Variants in ZNF37A observed in about 807,000 individuals in gnomAD.
ZNF37A encodes the protein zinc finger protein 37a (KOX 21).
In ZNF37A, 10 loss-of-function variants were observed where a neutral mutation model predicts 12.3. That is an observed-to-expected ratio of 0.82 (90% CI 0.50 to 1.38). ZNF37A has a LOEUF of 1.38. ZNF37A is among the 40% of genes most tolerant of loss of function. The pLI is 0.00. For synonymous variants in ZNF37A, 207 were observed against 223.0 expected, an observed-to-expected ratio of 0.93 and a Z score of 0.64; for missense variants, 580 against 651.2, an observed-to-expected ratio of 0.89 and a Z score of 1.19.
At chr10:38,129,316 A>AAAAAAAAAAAAAAAAC (rs1432210552), downstream of ZNF37A, among the ~76,000 whole-genome samples, 1 of 142,542 alleles carries the variant, frequency 7.0e-6, no homozygotes, top group Admixed American at 7.0e-5. Flanking sequence ...AAAAAAAAAA[A>AAAAAAAAAAAAAAAAC]AAAAAACTAT....
Position 38,094,958 on chromosome 10 carries a change from G to A in ZNF37A, c.-464G>A, listed in dbSNP as rs1289681054. On this transcript the variant is annotated 5_prime_UTR_variant, in exon 2 of 8. Coordinates refer to ENST00000685332, the MANE Select transcript of ZNF37A (RefSeq NM_001324250.3). ...CGCAGCTTCATTGCCTGATGTCTTC[G>A]GGAAGTATTTTGAAGTCATCGTGGC... 1.3e-5 allele frequency: 2 copies of A among 152,286 alleles called. No homozygotes were observed. Among genetic ancestry groups the A allele is most frequent in the Admixed American group, 6.5e-5 (1 of 15,286 alleles). 9.4% of individuals were successfully genotyped at this position (152,286 alleles called of 1,614,324 possible).
rs746698634 is a variant in ZNF37A at position 38,118,116 on chromosome 10, C to T, written c.965C>T (p.Thr322Ile). 1.1e-5 allele frequency: 17 copies of T among 1,613,686 alleles called. No homozygotes were observed. Among genetic ancestry groups the T allele is most frequent in the South Asian group, 2.2e-5 (2 of 91,046 alleles). ...CTCATTAAACATCAAAGAATTCATA[C>T]AGGGGAGAGACCTTATGGATGTCAT... ...SDLIKHQRIHTGERPYGCHEC... is the reference protein window; with the variant it reads ...SDLIKHQRIHIGERPYGCHEC... The change falls in exon 8 of 8, where the codon ACA becomes ATA. Residue 322 changes from threonine (T) to isoleucine (I), a missense_variant. Transcript: ENST00000685332.
downstream of ZNF37A, among the ~76,000 whole-genome samples, chr10:38,129,753 T>G (rs796448952): frequency 7.2e-5 from 11 of 152,328 alleles, no homozygotes; most frequent in African/African-American, 2.6e-4. Context: ...GCCTTCAAAT[T>G]TATTGCCAAA....
In ZNF37A at chr10:38,123,124, G is replaced by C. The variant is rs1238794819; in HGVS notation, c.*4287G>C. On this transcript the variant is annotated 3_prime_UTR_variant, in exon 8 of 8. Coordinates refer to ENST00000685332, the MANE Select transcript of ZNF37A (RefSeq NM_001324250.3). The stretch of plus-strand genomic sequence containing the variant: ...ATAAGTATCTCACATGGCAGGTGCA[G>C]GGCAAAGAGAGGGGGGAAGGGAAGT... 1 of 128,712 alleles carries C rather than the reference G, an allele frequency of 7.8e-6. No homozygotes were observed. The highest frequency in any genetic ancestry group is 1.7e-5 in the Non-Finnish European group (1 of 59,370). 8.0% of individuals were successfully genotyped at this position (128,712 alleles called of 1,614,324 possible). A position where few individuals can be genotyped will look rare whatever the true frequency, so the allele number is the denominator to read the frequency against.
chr10:38,110,230 T>G (rs2068521998), intron 5 of ZNF37A, among the ~76,000 whole-genome samples: 1 of 151,868 alleles, frequency 6.6e-6, no homozygotes, highest in Non-Finnish European at 1.5e-5. Flanking sequence ...AAAAAAGCAA[T>G]GGGGAAAGGA....
chr10:38,132,511 T>G (rs1329308549), intron 7 of ZNF37A, among the ~76,000 whole-genome samples: 3 of 152,146 alleles, frequency 2.0e-5, no homozygotes, highest in Non-Finnish European at 2.9e-5. Flanking sequence ...TTACTAGTAT[T>G]TTGTTTAAAA....
At chr10:38,146,299 G>A (rs72793780) in intron 7 of ZNF37A, among the ~76,000 whole-genome samples, 127 of 152,134 alleles carry the variant, frequency 8.3e-4, no homozygotes, top group Non-Finnish European at 1.5e-3. Flanking sequence ...TATTGGAGAC[G>A]GAGTTTCGCT....
Position 38,119,108 on chromosome 10 carries a change from G to T in ZNF37A, c.*271G>T, listed in dbSNP as rs2069533898. The stretch of plus-strand genomic sequence containing the variant: ...ATGCCACTCTTCATTAAACATCAGA[G>T]AATTCACACGGGGTGAAACCTGGGT... On this transcript the variant is annotated 3_prime_UTR_variant, in exon 8 of 8. Transcript: ENST00000685332. The T allele has an allele frequency of 2.7e-6, 3 of 1,105,126 alleles. No individual in the cohort carries two copies. The highest frequency in any genetic ancestry group is 2.2e-6 in the Non-Finnish European group (2 of 904,348). The allele number at this position is 1,105,126 out of a possible 1,614,324, so 68.5% of individuals were successfully genotyped here.
chr10:38,149,465 C>T (rs1041247160), exon 8 of ZNF37A: 1 of 152,092 alleles, frequency 6.6e-6, no homozygotes, highest in Non-Finnish European at 1.5e-5. Flanking sequence ...ACTCCATCCC[C>T]TCCTAACCCC....
chr10:38,136,014 G>C (rs2070102917), intron 7 of ZNF37A, among the ~76,000 whole-genome samples: 1 of 152,114 alleles, frequency 6.6e-6, no homozygotes, highest in African/African-American at 2.4e-5. Flanking sequence ...ATATATTGCA[G>C]GGCAGGTCTA....
At chr10:38,105,029 G>A (rs2067941783) in intron 5 of ZNF37A, among the ~76,000 whole-genome samples, 2 of 147,786 alleles carry the variant, frequency 1.4e-5, no homozygotes, top group South Asian at 4.3e-4. Context: ...TTTTGAGATG[G>A]AGTTTTGCTC....
chr10:38,103,056 T>A (rs2067722830), intron 5 of ZNF37A, among the ~76,000 whole-genome samples: 1 of 152,152 alleles, frequency 6.6e-6, no homozygotes, highest in African/African-American at 2.4e-5. Context: ...TTCTTTAGAG[T>A]CTTGGACATA....
At chr10:38,149,601 G>C (rs2070301308) in exon 8 of ZNF37A, 1 of 127,636 alleles carries the variant, frequency 7.8e-6, no homozygotes, top group Non-Finnish European at 1.6e-5. Context: ...TTGAGAGAGA[G>C]TCTAGCTCTG....
Position 38,118,186 on chromosome 10 carries a change from T to G in ZNF37A, c.1035T>G (p.His345Gln). ...GTGAAAAGTCAACCCTTACTCAACA[T>G]CAAAGAACGCACACAGGGGAGAAAC... Reference protein sequence around the residue: ...SFSEKSTLTQHQRTHTGEKPY... With the variant: ...SFSEKSTLTQQQRTHTGEKPY... Residue 345 changes from histidine to glutamine, a missense_variant, in exon 8 of 8, where the codon CAT (histidine) becomes CAG (glutamine). His to Gln is a conservative substitution (Grantham distance 24). Transcript: ENST00000685332. 1 of 1,613,702 alleles carries G rather than the reference T, an allele frequency of 6.2e-7. No individual in the cohort carries two copies. Among genetic ancestry groups the G allele is most frequent in the Non-Finnish European group, 8.5e-7 (1 of 1,179,912 alleles).
At position 38,117,581 on chromosome 10, in the gene ZNF37A, C is replaced by G. The variant is rs775913664; in HGVS notation, c.430C>G (p.Gln144Glu). The G allele has an allele frequency of 6.2e-7, 1 of 1,613,268 alleles. No homozygotes were observed. The highest frequency in any genetic ancestry group is 8.5e-7 in the Non-Finnish European group (1 of 1,179,820). Residue 144 changes from glutamine (Q) to glutamate (E), a missense_variant, in exon 8 of 8, where the codon CAA becomes GAA. Transcript: ENST00000685332. Reference protein sequence around the residue: ...IWHQKIKNWEQSFEYNECGKA... With the variant: ...IWHQKIKNWEESFEYNECGKA... ...GCATCAGAAAATTAAAAATTGGGAA[C>G]AATCTTTTGAATACAATGAATGTGG...
downstream of ZNF37A, among the ~76,000 whole-genome samples, chr10:38,125,915 T>C (rs2069918822): frequency 6.6e-6 from 1 of 152,136 alleles, no homozygotes; most frequent in African/African-American, 2.4e-5. Context: ...CTTTCGGTCA[T>C]AGCAGAAGGC....
rs2069766331 is a variant in ZNF37A, at chr10:38,122,510, A to T, written c.*3673A>T. 1.3e-5 allele frequency: 2 copies of T among 152,210 alleles called. No homozygotes were observed. Among genetic ancestry groups the T allele is most frequent in the Admixed American group, 1.3e-4 (2 of 15,280 alleles). 9.4% of individuals were successfully genotyped at this position (152,210 alleles called of 1,614,324 possible). On this transcript the variant is annotated 3_prime_UTR_variant, in exon 8 of 8. Coordinates refer to ENST00000685332, the MANE Select transcript of ZNF37A (RefSeq NM_001324250.3). Reference sequence around the variant, plus strand: ...ACAGACACATAGGAACAGTATAGACAACCCAGAAACAAATTCATACATCTA... The same window carrying T: ...ACAGACACATAGGAACAGTATAGACTACCCAGAAACAAATTCATACATCTA...
intron 5 of ZNF37A, among the ~76,000 whole-genome samples, chr10:38,098,248 C>T (rs1413238092): frequency 2.6e-5 from 4 of 152,156 alleles, no homozygotes; most frequent in East Asian, 1.9e-4. Context: ...TCCTGTGTTT[C>T]GCTATCGTGA....
intron 7 of ZNF37A, chr10:38,140,726 C>T (rs1262516056): frequency 6.6e-6 from 1 of 152,138 alleles, no homozygotes; most frequent in Non-Finnish European, 1.5e-5. Flanking sequence ...ATAACATTCT[C>T]CAATATAATG....
Sources: allele counts gnomAD v4.1 joint callset (sites outside exome capture counted in the v4.1 genomes callset), GRCh38; gene constraint gnomAD v4.1.1; transcripts MANE v1.5; gene names NCBI Gene and HGNC (gene_info 2026-07-23, HGNC 2026-07-21).